Variants in ARB2A observed in about 807,000 individuals in gnomAD.
The protein encoded by ARB2A is cotranscriptional regulator ARB2A.
the ARB2A span, among the ~76,000 whole-genome samples, chr5:93,913,131 G>C: frequency 6.6e-6 from 1 of 151,704 alleles, no homozygotes; most frequent in Non-Finnish European, 1.5e-5. Flanking sequence ...TCTAAGGCTG[G>C]TGAGAGCAGA....
chr5:93,780,862 CCTT>C, the ARB2A span, among the ~76,000 whole-genome samples: 2 of 152,078 alleles, frequency 1.3e-5, no homozygotes, highest in East Asian at 3.9e-4. Context: ...CCTGGCCTGA[CCTT>C]CTTTCTTTAA....
the ARB2A span, among the ~76,000 whole-genome samples, chr5:93,847,795 G>A: frequency 6.6e-6 from 1 of 152,116 alleles, no homozygotes; most frequent in African/African-American, 2.4e-5. Context: ...ACTTATTCCA[G>A]GCTAAAATAG....
chr5:93,957,768 G>A, the ARB2A span, among the ~76,000 whole-genome samples: 2 of 152,010 alleles, frequency 1.3e-5, no homozygotes, highest in Non-Finnish European at 1.5e-5. Flanking sequence ...TAACAGAATA[G>A]AGAACATGTT....
the ARB2A span, among the ~76,000 whole-genome samples, chr5:94,097,001 G>C: frequency 2.6e-4 from 39 of 152,222 alleles, no homozygotes; most frequent in African/African-American, 8.9e-4. Flanking sequence ...TGAGCTGGCA[G>C]GGAGAGCTGC....
the ARB2A span, among the ~76,000 whole-genome samples, chr5:93,758,344 C>T: frequency 2.6e-5 from 4 of 152,148 alleles, no homozygotes; most frequent in Non-Finnish European, 5.9e-5. Flanking sequence ...GTCATCACGA[C>T]AGAAAGTTAC....
At chr5:93,824,249 C>A in the ARB2A span, 1 of 1,585,686 alleles carries the variant, frequency 6.3e-7, no homozygotes, top group Admixed American at 1.8e-5. Context: ...ATTGCATGTT[C>A]TTCAGGAGAA....
At chr5:93,858,129 A>T in the ARB2A span, among the ~76,000 whole-genome samples, 3 of 152,328 alleles carry the variant, frequency 2.0e-5, no homozygotes, top group African/African-American at 7.2e-5. Context: ...TGGTAGAGTC[A>T]CACAAGATGT....
At chr5:93,716,693 C>CAAAA in the ARB2A span, among the ~76,000 whole-genome samples, 92 of 36,156 alleles carry the variant, frequency 2.5e-3, 1 homozygote, top group East Asian at 5.0e-3. Context: ...ATAAGCTGTG[C>CAAAA]AAAAAAAAAA....
the ARB2A span, among the ~76,000 whole-genome samples, chr5:93,995,817 A>T: frequency 6.6e-6 from 1 of 152,206 alleles, no homozygotes; most frequent in African/African-American, 2.4e-5. Context: ...TTCTTACCAC[A>T]ATAATATACA....
chr5:93,738,584 C>T, the ARB2A span: 3 of 152,176 alleles, frequency 2.0e-5, no homozygotes, highest in Admixed American at 1.3e-4. Flanking sequence ...AATGGATAAA[C>T]AAAATGTGGT....
chr5:93,949,548 A>G, the ARB2A span, among the ~76,000 whole-genome samples: 1 of 152,020 alleles, frequency 6.6e-6, no homozygotes, highest in South Asian at 2.1e-4. Context: ...CAACAGAGCG[A>G]GAGTCTCTAA....
the ARB2A span, among the ~76,000 whole-genome samples, chr5:94,011,859 C>A: frequency 1.7e-5 from 2 of 116,236 alleles, no homozygotes; most frequent in Non-Finnish European, 1.7e-5. Flanking sequence ...ATTCATTTAC[C>A]AAAGGAAATT....
chr5:93,678,069 T>C, the ARB2A span, among the ~76,000 whole-genome samples: 1 of 152,104 alleles, frequency 6.6e-6, no homozygotes, highest in Admixed American at 6.5e-5. Flanking sequence ...CTAGAAATAA[T>C]CCCATTATGC....
At chr5:93,731,386 A>G in the ARB2A span, among the ~76,000 whole-genome samples, 1 of 152,264 alleles carries the variant, frequency 6.6e-6, no homozygotes, top group Admixed American at 6.5e-5. Flanking sequence ...AAGGAAAAAA[A>G]CCTGGGCCAG....
the ARB2A span, among the ~76,000 whole-genome samples, chr5:93,675,501 A>G: frequency 6.6e-6 from 1 of 152,202 alleles, no homozygotes; most frequent in Non-Finnish European, 1.5e-5. Flanking sequence ...TAAGAAAGCA[A>G]AAGTGATTGA....
chr5:93,918,547 G>A, the ARB2A span, among the ~76,000 whole-genome samples: 3 of 147,906 alleles, frequency 2.0e-5, no homozygotes, highest in Admixed American at 6.9e-5. Context: ...TCAGCCTCCC[G>A]AGTAGCTGGG....
chr5:93,755,506 G>A, the ARB2A span, among the ~76,000 whole-genome samples: 1 of 152,240 alleles, frequency 6.6e-6, no homozygotes, highest in Admixed American at 6.5e-5. Flanking sequence ...AGAGGATGCA[G>A]ACATAAGCGG....
the ARB2A span, among the ~76,000 whole-genome samples, chr5:93,974,780 T>C: frequency 6.6e-6 from 1 of 152,118 alleles, no homozygotes; most frequent in African/African-American, 2.4e-5. Context: ...ACGAAACATC[T>C]TCTCAGACCA....
At chr5:93,876,795 C>A in the ARB2A span, among the ~76,000 whole-genome samples, 14 of 151,692 alleles carry the variant, frequency 9.2e-5, no homozygotes, top group African/African-American at 3.1e-4. Context: ...GGCATTTGCA[C>A]AGAAGAGATT....
Sources: gnomAD v4.1 joint callset for allele counts (sites outside exome capture counted in the v4.1 genomes callset) on GRCh38, gnomAD v4.1.1 for gene constraint, MANE v1.5 for transcripts, NCBI Gene and HGNC (gene_info 2026-07-23, HGNC 2026-07-21) for gene names.